Variants in MCTP2 observed in about 807,000 individuals in gnomAD.
MCTP2 encodes the protein multiple C2 and transmembrane domain-containing protein 2.
MCTP2 carries 132 observed loss-of-function variants against 111.6 expected under a neutral mutation model. The ratio of observed to expected loss-of-function variants is 1.18; its 90% confidence interval spans 1.03 to 1.37. MCTP2 has a LOEUF of 1.37. MCTP2 is among the 40% of genes most tolerant of loss of function. The pLI is 0.00. For synonymous variants in MCTP2, 395 were observed against 387.7 expected, an observed-to-expected ratio of 1.02 and a Z score of -0.22; for missense variants, 1,183 against 1,067.9, an observed-to-expected ratio of 1.11 and a Z score of -1.50.
At position 94,280,944 on chromosome 15, in the gene MCTP2, G is replaced by GTTAGTATATATTTT. The variant is rs758956107; in HGVS notation, c.-65-17253_-65-17240dup. On this transcript the variant is annotated intron_variant, in intron 1 of 22. Transcript: ENST00000357742. ...CGTTTTTGTTTTTATTGAGAGTGTG[G>GTTAGTATATATTTT]TTAGTATATATTTTTTAACTTGTTG... Among the ~76,000 whole-genome samples, 353 of 152,054 alleles carry GTTAGTATATATTTT rather than the reference G, an allele frequency of 2.3e-3. 3 individuals are homozygous for GTTAGTATATATTTT. The highest frequency in any genetic ancestry group is 3.8e-3 in the Non-Finnish European group (256 of 67,910).
At chr15:94,339,667 A>G (rs1402373840) in intron 5 of MCTP2, among the ~76,000 whole-genome samples, 1 of 152,180 alleles carries the variant, frequency 6.6e-6, no homozygotes, top group Non-Finnish European at 1.5e-5. Context: ...AGTCTACCAA[A>G]TGTGGAAGAA....
Position 94,298,693 on chromosome 15 carries a change from A to T in MCTP2, c.428A>T (p.Lys143Ile). The T allele has an allele frequency of 2.5e-6, 4 of 1,612,502 alleles. No homozygotes were observed. Among genetic ancestry groups the T allele is most frequent in the Non-Finnish European group, 3.4e-6 (4 of 1,179,516 alleles). The change falls in exon 2 of 23, where the codon AAA becomes ATA. Residue 143 changes from lysine to isoleucine, a missense_variant. Physicochemically the swap from Lys to Ile is moderately radical, Grantham distance 102 (BLOSUM62 -3). Coordinates refer to ENST00000357742, the MANE Select transcript of MCTP2 (RefSeq NM_001385001.1). ...AGCAACGGCATCTTTGATCTTCAGA[A>T]AACTTCCCTTGGAGGGGATGCACCA... ...VSSNGIFDLQKTSLGGDAPEE... is the reference protein window; with the variant it reads ...VSSNGIFDLQITSLGGDAPEE...
At chr15:94,250,615 T>A (rs1192665411) in intron 1 of MCTP2, among the ~76,000 whole-genome samples, 2 of 152,248 alleles carry the variant, frequency 1.3e-5, no homozygotes, top group African/African-American at 4.8e-5. Flanking sequence ...GTTATCTATT[T>A]TTTTCTATTA....
At chr15:94,460,943 C>G (rs2085161362) in intron 20 of MCTP2, among the ~76,000 whole-genome samples, 1 of 151,582 alleles carries the variant, frequency 6.6e-6, no homozygotes. Context: ...ACCAGGAAAA[C>G]TTTTATTCAA....
chr15:94,392,619 C>A (rs2081050979), intron 14 of MCTP2, among the ~76,000 whole-genome samples: 1 of 152,042 alleles, frequency 6.6e-6, no homozygotes, highest in South Asian at 2.1e-4. Flanking sequence ...TCGAGACCAG[C>A]CTGACCAACA....
At chr15:94,369,790 G>A (rs535739653) in intron 11 of MCTP2, among the ~76,000 whole-genome samples, 38 of 152,238 alleles carry the variant, frequency 2.5e-4, no homozygotes, top group Middle Eastern at 6.8e-3. Flanking sequence ...CTACCCACAC[G>A]TTTTCCTGGT....
At chr15:94,376,574 T>A (rs1250086555) in intron 12 of MCTP2, among the ~76,000 whole-genome samples, 2 of 152,252 alleles carry the variant, frequency 1.3e-5, no homozygotes, top group Non-Finnish European at 2.9e-5. Flanking sequence ...TTAATAAATG[T>A]ATTTCCCATT....
chr15:94,349,636 TG>T (rs1486519186), intron 8 of MCTP2, among the ~76,000 whole-genome samples: 1 of 151,652 alleles, frequency 6.6e-6, no homozygotes, highest in Non-Finnish European at 1.5e-5. Flanking sequence ...CTGGTTAACA[TG>T]GTGAAACCCC....
chr15:94,369,917 G>A (rs1380511330), intron 11 of MCTP2, among the ~76,000 whole-genome samples, 170 bp from the exon 12 acceptor site: 1 of 151,690 alleles, frequency 6.6e-6, no homozygotes, highest in Non-Finnish European at 1.5e-5. Context: ...TAATCTGGCT[G>A]CTATAAGTGC....
intron 4 of MCTP2, among the ~76,000 whole-genome samples, chr15:94,333,765 G>A (rs536718998): frequency 8.5e-4 from 130 of 152,284 alleles, no homozygotes; most frequent in Admixed American, 3.0e-3. Flanking sequence ...AAAGTGGTCT[G>A]AAATCCTCAA....
chr15:94,300,362 T>C (rs2075545213), intron 2 of MCTP2, among the ~76,000 whole-genome samples: 4 of 151,884 alleles, frequency 2.6e-5, no homozygotes, highest in Admixed American at 2.0e-4. Context: ...ACAAAAAAAT[T>C]AGCCGGGCGT....
intron 1 of MCTP2, among the ~76,000 whole-genome samples, chr15:94,265,573 A>G (rs894943606): frequency 6.6e-6 from 1 of 152,218 alleles, no homozygotes; most frequent in African/African-American, 2.4e-5. Context: ...TAGCTTATAT[A>G]AGATGTACAC....
chr15:94,337,668 T>C (rs1191663793), intron 4 of MCTP2, among the ~76,000 whole-genome samples: 2 of 104,438 alleles, frequency 1.9e-5, no homozygotes, highest in East Asian at 4.1e-4. Flanking sequence ...CCGAACACGG[T>C]GTGTGTGTGT....
At chr15:94,349,192 T>C (rs1454830699) in intron 8 of MCTP2, among the ~76,000 whole-genome samples, 1 of 152,136 alleles carries the variant, frequency 6.6e-6, no homozygotes, top group Non-Finnish European at 1.5e-5. Flanking sequence ...TTCTAGAGGC[T>C]TTCCTCCTCC....
At chr15:94,449,518 A>G (rs1271311157) in intron 19 of MCTP2, among the ~76,000 whole-genome samples, 1 of 152,288 alleles carries the variant, frequency 6.6e-6, no homozygotes, top group African/African-American at 2.4e-5. Flanking sequence ...TATTTTGCCA[A>G]TGTTTATTGA....
At chr15:94,233,101 A>G (rs1280224065) in intron 1 of MCTP2, among the ~76,000 whole-genome samples, 1 of 152,130 alleles carries the variant, frequency 6.6e-6, no homozygotes, top group African/African-American at 2.4e-5. Context: ...TAAATCCGGC[A>G]GATTTAATAT....
intron 1 of MCTP2, among the ~76,000 whole-genome samples, chr15:94,293,299 A>C (rs2075112598): frequency 6.6e-6 from 1 of 152,196 alleles, no homozygotes. Context: ...ATATTTGTGA[A>C]CTCTGTGTTC....
chr15:94,448,127 C>A (rs948777256), intron 19 of MCTP2, among the ~76,000 whole-genome samples: 9 of 152,288 alleles, frequency 5.9e-5, no homozygotes, highest in Admixed American at 5.2e-4. Context: ...AGTCCGCTGG[C>A]AAATCAACTT....
At chr15:94,311,562 C>T (rs1312006579) in intron 2 of MCTP2, among the ~76,000 whole-genome samples, 2 of 152,158 alleles carry the variant, frequency 1.3e-5, no homozygotes, top group Non-Finnish European at 2.9e-5. Flanking sequence ...CTCCATCCTC[C>T]TGTGCATATG....
Sources: allele counts gnomAD v4.1 joint callset (sites outside exome capture counted in the v4.1 genomes callset), GRCh38; gene constraint gnomAD v4.1.1; transcripts MANE v1.5; gene names NCBI Gene and HGNC (gene_info 2026-07-23, HGNC 2026-07-21).